Variants in GAD2 observed in about 807,000 individuals in gnomAD.
The protein encoded by GAD2 is 65 kDa glutamic acid decarboxylase.
Under a neutral mutation model 80.1 loss-of-function variants are expected in GAD2, and 22 were observed. The ratio of observed to expected loss-of-function variants is 0.27; its 90% CI spans 0.20 to 0.39. GAD2 has a LOEUF of 0.39. Among genes scored for constraint, GAD2 ranks in the 10% least tolerant of loss-of-function variants. GAD2 has a pLI of 1.00. For synonymous variants in GAD2, 274 were observed against 256.9 expected, an observed-to-expected ratio of 1.07 and a Z score of -0.64; for missense variants, 624 against 738.4, an observed-to-expected ratio of 0.85 and a Z score of 1.80.
At chr10:26,291,430 A>AAGAAGTGAATTTCTG (rs8190781) in intron 13 of GAD2, among the ~76,000 whole-genome samples, 9,919 of 152,170 alleles carry the variant, frequency 0.065, 1,083 homozygotes, top group African/African-American at 0.22. Context: ...GCAGTCTCCA[A>AAGAAGTGAATTTCTG]AGAAGTGAAT....
intron 4 of GAD2, among the ~76,000 whole-genome samples, chr10:26,220,029 A>G (rs8190604): frequency 0.13 from 19,095 of 152,130 alleles, 3,988 homozygotes; most frequent in African/African-American, 0.43. Context: ...TTCCATCCAT[A>G]TTACAGCTTC....
intron 7 of GAD2, among the ~76,000 whole-genome samples, chr10:26,243,534 G>T (rs538868995): frequency 6.6e-6 from 1 of 152,182 alleles, no homozygotes; most frequent in Non-Finnish European, 1.5e-5. Context: ...CTGGGCTTAG[G>T]TTAGCCTTTC....
Position 26,245,988 on chromosome 10 carries a change from A to C in GAD2, c.908A>C (p.Lys303Thr). The change falls in exon 8 of 16, where the codon AAA (lysine) becomes ACA (threonine). Residue 303 changes from lysine (K) to threonine (T), a missense_variant. Lys to Thr is a moderately conservative substitution (Grantham distance 78). Coordinates refer to ENST00000376261, the MANE Select transcript of GAD2 (RefSeq NM_001134366.2). ...GGAACAGACAGCGTGATTCTGATTA[A>C]ATGTGATGAGAGGTGAGCACGCATC... The part of the protein sequence containing the change: ...GIGTDSVILI[K>T]CDERGKMIPS... The C allele has an allele frequency of 3.7e-6, 6 of 1,614,034 alleles. No individual in the cohort carries two copies. Among genetic ancestry groups the C allele is most frequent in the Non-Finnish European group, 5.1e-6 (6 of 1,179,916 alleles).
At chr10:26,243,400 A>C (rs1844766792) in intron 7 of GAD2, among the ~76,000 whole-genome samples, 1 of 152,250 alleles carries the variant, frequency 6.6e-6, no homozygotes, top group South Asian at 2.1e-4. Flanking sequence ...CCCTCTTAGG[A>C]TCCCTAACTT....
intron 6 of GAD2, among the ~76,000 whole-genome samples, chr10:26,228,490 T>C (rs1288684909): frequency 6.6e-6 from 1 of 152,204 alleles, no homozygotes. Flanking sequence ...TAGATGAGTA[T>C]GATGAGATGG....
chr10:26,277,635 G>A (rs1845225859), intron 11 of GAD2, among the ~76,000 whole-genome samples: 1 of 152,206 alleles, frequency 6.6e-6, no homozygotes, highest in Non-Finnish European at 1.5e-5. Flanking sequence ...TGTGACCTAA[G>A]CTGTAGTAGC....
At position 26,301,715 on chromosome 10, in the gene GAD2, C is replaced by T. The variant is rs900983729; in HGVS notation, c.*754C>T. On this transcript the variant is annotated 3_prime_UTR_variant, in exon 16 of 16. Coordinates refer to ENST00000376261, the MANE Select transcript of GAD2 (RefSeq NM_001134366.2). ...CATCTCTAAAGTTAGTATTTCAAGACAAACACAAAAGAATACTGCGAGTTC... is the reference window on the plus strand; with the variant it reads ...CATCTCTAAAGTTAGTATTTCAAGATAAACACAAAAGAATACTGCGAGTTC... 5.9e-5 allele frequency: 9 copies of T among 152,116 alleles called. No individual in the cohort carries two copies. The highest frequency in any genetic ancestry group is 2.2e-4 in the African/African-American group (9 of 41,432). 9.4% of individuals were successfully genotyped at this position (152,116 alleles called of 1,614,324 possible). A position where few individuals can be genotyped will look rare whatever the true frequency, so the allele number is the denominator to read the frequency against.
At chr10:26,250,362 T>C (rs1181796233) in intron 8 of GAD2, among the ~76,000 whole-genome samples, 1 of 152,210 alleles carries the variant, frequency 6.6e-6, no homozygotes, top group Non-Finnish European at 1.5e-5. Context: ...CTAAAAAGTA[T>C]GCTTTTTTCA....
At chr10:26,267,993 A>G (rs1845091506) in intron 8 of GAD2, among the ~76,000 whole-genome samples, 1 of 152,198 alleles carries the variant, frequency 6.6e-6, no homozygotes, top group African/African-American at 2.4e-5. Context: ...GGAGTCAATG[A>G]CAAATACCAA....
chr10:26,285,730 T>C (rs1485759793), intron 12 of GAD2, among the ~76,000 whole-genome samples: 6 of 151,814 alleles, frequency 4.0e-5, no homozygotes, highest in African/African-American at 7.3e-5. Flanking sequence ...ATTTGAAAGA[T>C]TGGTTATTTA....
chr10:26,258,572 A>T (rs1844971381), intron 8 of GAD2, among the ~76,000 whole-genome samples: 1 of 151,934 alleles, frequency 6.6e-6, no homozygotes, highest in Non-Finnish European at 1.5e-5. Flanking sequence ...GGAAACGTCC[A>T]CTCCACTGTC....
rs1349213024 is a variant in GAD2, at chr10:26,219,263, T to C, written c.507T>C (p.Tyr169=). 1.2e-6 allele frequency: 2 copies of C among 1,605,102 alleles called. No homozygotes were observed. Among genetic ancestry groups the C allele is most frequent in the African/African-American group, 1.3e-5 (1 of 74,858 alleles). Reference sequence around the variant, plus strand: ...TGCATTGCCAAACAACTCTAAAATATGCAATTAAAACAGGTATTGTCTCAT... The same window carrying C: ...TGCATTGCCAAACAACTCTAAAATACGCAATTAAAACAGGTATTGTCTCAT... ...ILMHCQTTLK[Y]AIKTGHPRYF... is the part of the protein sequence containing the mutation. Residue 169 remains tyrosine (Y), a synonymous_variant, in exon 4 of 16, where the codon TAT becomes TAC. Transcript: ENST00000376261.
At chr10:26,244,461 AG>A (rs1844781156) in intron 7 of GAD2, among the ~76,000 whole-genome samples, 1 of 152,244 alleles carries the variant, frequency 6.6e-6, no homozygotes, top group South Asian at 2.1e-4. Context: ...TATTCGCAAT[AG>A]CCAAAAGGTA....
At position 26,217,906 on chromosome 10, in the gene GAD2, C is replaced by T. The variant is rs369198504; in HGVS notation, c.201C>T (p.Ala67=). The T allele has an allele frequency of 6.2e-7, 1 of 1,610,168 alleles. No individual in the cohort carries two copies. The highest frequency in any genetic ancestry group is 2.2e-5 in the East Asian group (1 of 44,774). Residue 67 remains alanine, a synonymous_variant, in exon 3 of 16, where the codon GCC becomes GCT. Coordinates refer to ENST00000376261, the MANE Select transcript of GAD2 (RefSeq NM_001134366.2). This position sits in a 1 kb window ranked among gnomAD's most constrained non-coding sequence, Gnocchi z 4.9. ...GCGGGAGCCAACCCCCGCGGGCCGCCGCCCGGAAGGCCGCCTGCGCCTGCG... is the reference window on the plus strand; with the variant it reads ...GCGGGAGCCAACCCCCGCGGGCCGCTGCCCGGAAGGCCGCCTGCGCCTGCG... The part of the protein sequence containing the change: ...ESGGSQPPRA[A]ARKAACACDQ...
chr10:26,283,418 G>A (rs1845295326), intron 12 of GAD2, among the ~76,000 whole-genome samples: 1 of 152,232 alleles, frequency 6.6e-6, no homozygotes, highest in South Asian at 2.1e-4. Flanking sequence ...TACCGTGGCT[G>A]TATTTTGATT....
intron 7 of GAD2, among the ~76,000 whole-genome samples, chr10:26,234,076 C>T (rs971020465): frequency 2.6e-5 from 4 of 152,118 alleles, no homozygotes; most frequent in Admixed American, 6.6e-5. Context: ...GTAATCCCAG[C>T]ACTTTGGGAG....
chr10:26,226,339 G>T (rs1004799918), intron 6 of GAD2, among the ~76,000 whole-genome samples: 10 of 152,172 alleles, frequency 6.6e-5, no homozygotes, highest in Non-Finnish European at 5.9e-5. Flanking sequence ...GATAATGGGG[G>T]ATTTTCACAT....
In GAD2 at chr10:26,241,912, A is replaced by C. The variant is rs117698355; in HGVS notation, c.841-4009A>C. On this transcript the variant is annotated intron_variant, in intron 7 of 15. Transcript: ENST00000376261. Reference sequence around the variant, plus strand: ...GTTGCCCAACTCAGCATTCTTTGCTAAAACATCTCCCCTCAATTCTTGTTG... The same window carrying C: ...GTTGCCCAACTCAGCATTCTTTGCTCAAACATCTCCCCTCAATTCTTGTTG... 6.0e-3 allele frequency among the ~76,000 whole-genome samples: 907 copies of C among 152,300 alleles called. 7 individuals are homozygous for C. The highest frequency in any genetic ancestry group is 9.5e-3 in the Non-Finnish European group (646 of 68,016).
At position 26,219,148 on chromosome 10, in the gene GAD2, A is replaced by C; in HGVS notation, c.392A>C (p.Lys131Thr). 1.2e-6 allele frequency: 2 copies of C among 1,613,608 alleles called. No homozygotes were observed. Among genetic ancestry groups the C allele is most frequent in the East Asian group, 2.2e-5 (1 of 44,870 alleles). ...GTGAAAAGTTTCGATAGATCAACCA[A>C]AGTGATTGATTTCCATTATCCTAAT... ...YVVKSFDRST[K>T]VIDFHYPNEL... The change falls in exon 4 of 16, where the codon AAA becomes ACA. Residue 131 changes from lysine to threonine, a missense_variant. Transcript: ENST00000376261.
Sources: allele counts gnomAD v4.1 joint callset (sites outside exome capture counted in the v4.1 genomes callset), GRCh38; gene constraint gnomAD v4.1.1; non-coding constraint Gnocchi (gnomAD v3.1); transcripts MANE v1.5; gene names NCBI Gene and HGNC (gene_info 2026-07-23, HGNC 2026-07-21).